Variants in RANBP9 observed in about 807,000 individuals in gnomAD.
The protein encoded by RANBP9 is RAN binding protein 9.
In RANBP9, 15 loss-of-function variants were observed where a neutral mutation model predicts 84.3. The ratio of observed to expected loss-of-function variants is 0.18; its 90% CI spans 0.12 to 0.27. The LOEUF is 0.27. RANBP9 is among the 10% of genes least tolerant of loss of function. The probability of loss-of-function intolerance (pLI) is 1.00; values close to 1 mark genes in which losing one functional copy is unlikely to be tolerated. For missense variants in RANBP9, 809 were observed against 912.8 expected (o/e 0.89, Z 1.46); for synonymous variants, 392 against 349.6 (o/e 1.12, Z -1.35).
intron 2 of RANBP9, among the ~76,000 whole-genome samples, chr6:13,678,500 C>A (rs994578264): frequency 1.1e-4 from 16 of 152,208 alleles, no homozygotes; most frequent in Non-Finnish European, 1.9e-4. Flanking sequence ...AGTCTACAGC[C>A]AAATCCACCT....
chr6:13,670,375 G>C (rs1765747307), intron 2 of RANBP9, among the ~76,000 whole-genome samples: 1 of 152,184 alleles, frequency 6.6e-6, no homozygotes, highest in Non-Finnish European at 1.5e-5. Flanking sequence ...AAATGGATTA[G>C]AGAGCTAACT....
intron 11 of RANBP9, 25 bp from the exon 12 acceptor site, chr6:13,632,546 T>C: frequency 6.3e-7 from 1 of 1,595,174 alleles, no homozygotes; most frequent in Non-Finnish European, 8.6e-7. Flanking sequence ...GACAAGTATT[T>C]TACTACCTTA....
chr6:13,680,838 G>GCTT (rs1181615652), intron 2 of RANBP9, among the ~76,000 whole-genome samples: 2 of 151,600 alleles, frequency 1.3e-5, no homozygotes, highest in Admixed American at 1.3e-4. Context: ...TGAGTATAAT[G>GCTT]GTCACAAGCA....
chr6:13,689,476 G>GAAC (rs1223724302), intron 2 of RANBP9, among the ~76,000 whole-genome samples: 1 of 151,908 alleles, frequency 6.6e-6, no homozygotes, highest in African/African-American at 2.4e-5. Flanking sequence ...TTCACTATAT[G>GAAC]TTGGTCAGGC....
chr6:13,625,581 GC>G, intron 13 of RANBP9, 71 bp downstream of exon 13: 1 of 998,654 alleles, frequency 1.0e-6, no homozygotes, highest in Non-Finnish European at 1.6e-6. Flanking sequence ...AAGTGTAAAT[GC>G]CAGTACAAAC....
intron 11 of RANBP9, 42 bp downstream of exon 11, chr6:13,634,388 GC>G: frequency 6.3e-7 from 1 of 1,596,846 alleles, no homozygotes; most frequent in Admixed American, 1.7e-5. Context: ...TAACCTTGTA[GC>G]CATCATTTTT....
chr6:13,666,211 A>T (rs1765641235), intron 2 of RANBP9, among the ~76,000 whole-genome samples: 1 of 152,174 alleles, frequency 6.6e-6, no homozygotes, highest in African/African-American at 2.4e-5. Context: ...GGAGGGAAGT[A>T]TACCTACACT....
chr6:13,652,960 T>C (rs1002858818), intron 4 of RANBP9, among the ~76,000 whole-genome samples: 1 of 152,160 alleles, frequency 6.6e-6, no homozygotes, highest in Admixed American at 6.5e-5. Flanking sequence ...TACTTTTAGA[T>C]ATATCTTCAA....
intron 2 of RANBP9, among the ~76,000 whole-genome samples, chr6:13,680,897 A>G (rs1018555249): frequency 6.6e-6 from 1 of 152,234 alleles, no homozygotes; most frequent in Non-Finnish European, 1.5e-5. Flanking sequence ...CCATGAGCTC[A>G]CTTGTAGAAT....
intron 10 of RANBP9, among the ~76,000 whole-genome samples, chr6:13,634,922 C>CT (rs1186315558): frequency 3.9e-5 from 6 of 152,160 alleles, no homozygotes; most frequent in African/African-American, 1.4e-4. Flanking sequence ...CCCTCTCCCC[C>CT]TACCCCCAGC....
intron 12 of RANBP9, among the ~76,000 whole-genome samples, chr6:13,627,630 CAAAAAAAAAAAAA>C (rs35401168): frequency 3.0e-5 from 2 of 66,410 alleles, no homozygotes; most frequent in East Asian, 4.5e-4. Context: ...ACTCCATCTC[CAAAAAAAAAAAAA>C]AAAAAAAAAA....
chr6:13,689,294 T>G (rs1370292177), intron 2 of RANBP9, among the ~76,000 whole-genome samples: 4 of 150,960 alleles, frequency 2.6e-5, no homozygotes, highest in Non-Finnish European at 5.9e-5. Flanking sequence ...TTTTGAGAGA[T>G]GAAGTCTCAC....
Position 13,652,681 on chromosome 6 carries a change from C to T in RANBP9, c.905G>A (p.Gly302Asp). Residue 302 changes from glycine (G) to aspartate (D), a missense_variant and splice_region_variant, in exon 5 of 14, where the codon GGT (glycine) becomes GAT (aspartate). Around this residue, in one of 5 missense-constraint regions of RANBP9, gnomAD observed 216 missense variants for 329.0 expected, o/e 0.66. Coordinates refer to ENST00000011619, the MANE Select transcript of RANBP9 (RefSeq NM_005493.3). ...CFYTKNGHSL[G>D]IAFTDLPPNL... Reference sequence around the variant, plus strand: ...TACCGGTAGGTCAGTGAAAGCAATACCTAAAAAGAAAAAAAAAAGTGGCAT... The same window carrying T: ...TACCGGTAGGTCAGTGAAAGCAATATCTAAAAAGAAAAAAAAAAGTGGCAT... 6.3e-7 allele frequency: 1 copy of T among 1,591,160 alleles called. No individual in the cohort carries two copies. The highest frequency in any genetic ancestry group is 8.6e-7 in the Non-Finnish European group (1 of 1,166,030).
chr6:13,696,546 C>A (rs901551481), intron 2 of RANBP9, among the ~76,000 whole-genome samples: 4 of 152,082 alleles, frequency 2.6e-5, no homozygotes, highest in Admixed American at 6.6e-5. Flanking sequence ...TCCTTAATTC[C>A]AAATTCTCCA....
At position 13,689,004 on chromosome 6, in the gene RANBP9, A is replaced by AAAAAAAAG. The variant is rs374538732; in HGVS notation, c.683+7780_683+7781insCTTTTTTT. The stretch of plus-strand genomic sequence containing the variant: ...CCACAAAAAAAAAAAAAAAAAAAAA[A>AAAAAAAAG]TGCTGGGCATGGTGACGCACACCCA... On this transcript the variant is annotated intron_variant, in intron 2 of 13. Coordinates refer to ENST00000011619, the MANE Select transcript of RANBP9 (RefSeq NM_005493.3). 3.4e-3 allele frequency among the ~76,000 whole-genome samples: 369 copies of AAAAAAAAG among 108,956 alleles called. 41 individuals are homozygous for AAAAAAAAG. Among genetic ancestry groups the AAAAAAAAG allele is most frequent in the African/African-American group, 6.2e-3 (171 of 27,624 alleles). The allele number at this position is 108,956 out of a possible 152,430, so 71.5% of individuals were successfully genotyped here. A position where few individuals can be genotyped will look rare whatever the true frequency, so the allele number is the denominator to read the frequency against.
chr6:13,664,883 T>A (rs938048911), intron 2 of RANBP9, among the ~76,000 whole-genome samples: 1 of 152,136 alleles, frequency 6.6e-6, no homozygotes, highest in Non-Finnish European at 1.5e-5. Context: ...GGCTGAGTAA[T>A]CTAAACAGTA....
chr6:13,676,163 CATA>C (rs1209800783), intron 2 of RANBP9, among the ~76,000 whole-genome samples: 4 of 151,952 alleles, frequency 2.6e-5, no homozygotes, highest in Admixed American at 1.3e-4. Context: ...ATATTTGTTG[CATA>C]ATGTTTGTCC....
intron 13 of RANBP9, among the ~76,000 whole-genome samples, chr6:13,623,852 G>GT (rs1764527770): frequency 6.6e-6 from 1 of 152,146 alleles, no homozygotes; most frequent in South Asian, 2.1e-4. Context: ...AGCACAATAT[G>GT]TAAGAGTATA....
chr6:13,697,991 A>C (rs569319332), intron 1 of RANBP9, among the ~76,000 whole-genome samples: 1 of 152,348 alleles, frequency 6.6e-6, no homozygotes, highest in Non-Finnish European at 1.5e-5. Context: ...TAAGTCAAAA[A>C]TTGTATCTTA....
Sources: gnomAD v4.1 joint callset for allele counts (sites outside exome capture counted in the v4.1 genomes callset) on GRCh38, gnomAD v4.1.1 for gene constraint, gnomAD v4.1.1 regional missense constraint, MANE v1.5 for transcripts, NCBI Gene and HGNC (gene_info 2026-07-23, HGNC 2026-07-21) for gene names.